NHS: variants seen among roughly 807,000 people sequenced by gnomAD.
NHS encodes actin remodeling regulator NHS.
A neutral mutation model predicts 72.5 loss-of-function variants in NHS; 5 were observed. That is an observed-to-expected ratio of 0.07 (90% CI 0.04 to 0.14). The LOEUF is 0.14. NHS is among the 10% of genes least tolerant of loss of function. The pLI is 1.00. For synonymous variants in NHS, 464 were observed against 547.7 expected (o/e 0.85, Z 2.13); for missense variants, 1,072 against 1,355.7 (o/e 0.79, Z 3.29).
At chrX:17,463,011 G>A (rs750021158) in intron 1 of NHS, among the ~76,000 whole-genome samples, 1 of 112,057 alleles carries the variant, frequency 8.9e-6, no homozygotes, top group African/African-American at 3.2e-5. Flanking sequence ...ACTGTGCACT[G>A]CCCTCACTCC....
At chrX:17,588,997 C>T (rs2065589333) in intron 1 of NHS, among the ~76,000 whole-genome samples, 1 of 111,659 alleles carries the variant, frequency 9.0e-6, no homozygotes, top group Non-Finnish European at 1.9e-5. Context: ...TCAGTTTCCT[C>T]ACCTGCAAAA....
At chrX:17,537,482 G>A (rs923191212) in intron 1 of NHS, among the ~76,000 whole-genome samples, 5 of 112,679 alleles carry the variant, frequency 4.4e-5, no homozygotes, top group Middle Eastern at 4.6e-3. Flanking sequence ...TAAGGACAGG[G>A]TCCTGCCTGG....
intron 1 of NHS, among the ~76,000 whole-genome samples, chrX:17,447,779 A>G (rs867379522): frequency 1.2e-5 from 1 of 84,465 alleles, no homozygotes; most frequent in Non-Finnish European, 2.2e-5. Context: ...ACACGCACAC[A>G]CACACGCACA....
In NHS at chrX:17,440,256, C is replaced by CT. The variant is rs1223643432; in HGVS notation, c.565+63936dup. ...CCTAGGCAACCAAGCAAGACTCAGT[C>CT]TTAAAAAAAAAAAAAAAAAAAAAAA... On this transcript the variant is annotated intron_variant, in intron 1 of 8. Transcript: ENST00000676302. 3.0e-4 allele frequency among the ~76,000 whole-genome samples: 18 copies of CT among 59,027 alleles called. No homozygotes were observed. In the Admixed American group the frequency reaches 3.1e-3, roughly 10 times the overall value. 51.3% of individuals were successfully genotyped at this position (59,027 alleles called of 115,157 possible).
chrX:17,570,051 A>T (rs1444527345), intron 1 of NHS, among the ~76,000 whole-genome samples: 1 of 111,823 alleles, frequency 8.9e-6, no homozygotes, highest in Non-Finnish European at 1.9e-5. Context: ...TACCAGTAGC[A>T]TGCTGTTTTG....
intron 1 of NHS, among the ~76,000 whole-genome samples, chrX:17,481,332 A>G (rs1444021091): frequency 1.8e-5 from 2 of 112,034 alleles, no homozygotes; most frequent in Non-Finnish European, 3.8e-5. Flanking sequence ...TGCTTCTGAC[A>G]TGACTTTTTT....
intron 1 of NHS, among the ~76,000 whole-genome samples, chrX:17,535,424 C>A (rs1368221831): frequency 9.0e-6 from 1 of 111,563 alleles, no homozygotes; most frequent in East Asian, 2.8e-4. Flanking sequence ...CTGTAGGGGG[C>A]AGCACCATCC....
At chrX:17,477,068 T>C (rs1279360748) in intron 1 of NHS, among the ~76,000 whole-genome samples, 1 of 112,158 alleles carries the variant, frequency 8.9e-6, no homozygotes, top group Admixed American at 9.5e-5. Context: ...ACAAAACACA[T>C]ACAGATCTCT....
At chrX:17,642,286 C>T (rs1398921323) in intron 1 of NHS, among the ~76,000 whole-genome samples, 2 of 112,192 alleles carry the variant, frequency 1.8e-5, no homozygotes, top group African/African-American at 6.5e-5. Context: ...TCTATAAAAT[C>T]TCATAGGCTT....
At chrX:17,584,195 T>C (rs146024468) in intron 1 of NHS, among the ~76,000 whole-genome samples, 2,213 of 111,712 alleles carry the variant, frequency 0.02, 58 homozygotes, top group African/African-American at 0.066. Flanking sequence ...AAGAAGTCTG[T>C]CCTTCCTGAG....
intron 1 of NHS, among the ~76,000 whole-genome samples, chrX:17,582,357 G>A (rs2065548246): frequency 9.0e-6 from 1 of 111,727 alleles, no homozygotes; most frequent in Non-Finnish European, 1.9e-5. Flanking sequence ...CACTGAAGAG[G>A]GATAACTAAG....
chrX:17,679,277 A>G (rs751266845), intron 1 of NHS, among the ~76,000 whole-genome samples: 5 of 111,648 alleles, frequency 4.5e-5, no homozygotes, highest in African/African-American at 1.6e-4. Context: ...AATGTCTTCT[A>G]TTGCAATCCT....
chrX:17,655,529 C>T (rs999614757), intron 1 of NHS, among the ~76,000 whole-genome samples: 3 of 112,303 alleles, frequency 2.7e-5, no homozygotes, highest in Non-Finnish European at 5.6e-5. Context: ...CGGCTGGCAG[C>T]AGGGGACGGA....
chrX:17,679,671 C>T (rs2066111744), intron 1 of NHS, among the ~76,000 whole-genome samples: 1 of 111,117 alleles, frequency 9.0e-6, no homozygotes, highest in South Asian at 3.8e-4. Flanking sequence ...GGTATACAAG[C>T]CAACCAAGGT....
chrX:17,731,224 CTTTTTTTTTTTTTTTT>C (rs142686353), intron 8 of NHS, among the ~76,000 whole-genome samples: 417 of 34,897 alleles, frequency 0.012, 6 homozygotes, highest in Admixed American at 0.018. Context: ...TAGTTTCTTC[CTTTTTTTTTTTTTTTT>C]TTTTTTTTTT....
chrX:17,574,718 C>T lies in NHS; in HGVS notation c.566-113024C>T, dbSNP rs182383465. 2.1e-3 allele frequency among the ~76,000 whole-genome samples: 238 copies of T among 111,552 alleles called. 3 individuals carry two copies. Among genetic ancestry groups the T allele is most frequent in the Admixed American group, 0.019 (201 of 10,577 alleles). On this transcript the variant is annotated intron_variant, in intron 1 of 8. Transcript: ENST00000676302. ...CCATGGGCTGCACCCACTGTCCAAC[C>T]AGTCCCAATGAGATGAACCAGCTAC...
intron 1 of NHS, among the ~76,000 whole-genome samples, chrX:17,577,526 A>T (rs2065518481): frequency 8.9e-6 from 1 of 111,886 alleles, no homozygotes; most frequent in Non-Finnish European, 1.9e-5. Flanking sequence ...TCAAACATCT[A>T]TATGCCCTTA....
At chrX:17,423,346 G>A (rs1052103464) in intron 1 of NHS, among the ~76,000 whole-genome samples, 5 of 111,819 alleles carry the variant, frequency 4.5e-5, no homozygotes, top group Non-Finnish European at 9.4e-5. Flanking sequence ...TATAAGAGAG[G>A]AATATCGAAT....
chrX:17,600,115 T>C (rs1338500403), intron 1 of NHS, among the ~76,000 whole-genome samples: 2 of 112,029 alleles, frequency 1.8e-5, no homozygotes, highest in East Asian at 5.5e-4. Flanking sequence ...TTAGTTCTGA[T>C]TTTAATAATG....
Sources: allele counts gnomAD v4.1 joint callset (sites outside exome capture counted in the v4.1 genomes callset), GRCh38; gene constraint gnomAD v4.1.1; transcripts MANE v1.5; gene names NCBI Gene and HGNC (gene_info 2026-07-23, HGNC 2026-07-21).